COL18A1: variants seen among roughly 807,000 people sequenced by gnomAD.
The protein encoded by COL18A1 is collagen type XVIII alpha 1 chain, also known as collagen alpha-1(XVIII) chain.
A neutral mutation model predicts 168.0 loss-of-function variants in COL18A1; 133 were observed. That is an observed-to-expected ratio of 0.79 (90% CI 0.69 to 0.91). COL18A1 has a LOEUF of 0.91. Among genes scored for constraint, COL18A1 ranks in the 40% least tolerant of loss-of-function variants. The probability of loss-of-function intolerance (pLI) is 0.00; values close to 1 mark genes in which losing one functional copy is unlikely to be tolerated. For synonymous variants in COL18A1, 949 were observed against 809.0 expected (o/e 1.17, Z -2.94); for missense variants, 2,126 against 1,925.4 (o/e 1.10, Z -1.95).
intron 15 of COL18A1, among the ~76,000 whole-genome samples, chr21:45,485,074 C>T (rs1486432124): frequency 2.6e-5 from 4 of 151,378 alleles, no homozygotes; most frequent in African/African-American, 9.7e-5. Flanking sequence ...TCTCTGCCTC[C>T]CGGTTTCAAG....
chr21:45,433,441 T>C (rs1403379981), intron 2 of COL18A1, among the ~76,000 whole-genome samples: 1 of 152,124 alleles, frequency 6.6e-6, no homozygotes, highest in African/African-American at 2.4e-5. Flanking sequence ...AGTAGTTCTG[T>C]CTGGAAGGTG....
At chr21:45,491,167 T>G in intron 21 of COL18A1, 58 bp from the exon 22 acceptor site, 1 of 1,453,260 alleles carries the variant, frequency 6.9e-7, no homozygotes, top group Non-Finnish European at 9.7e-7. Flanking sequence ...GGGTGGACTC[T>G]GGGGTCCTGG....
intron 30 of COL18A1, among the ~76,000 whole-genome samples, chr21:45,496,785 C>T (rs9983797): frequency 6.6e-6 from 1 of 152,162 alleles, no homozygotes; most frequent in Non-Finnish European, 1.5e-5. Flanking sequence ...TTCCAGCTGG[C>T]TCTGCTAAGG....
intron 30 of COL18A1, 117 bp downstream of exon 30, chr21:45,496,685 G>A (rs1389866867): frequency 4.0e-5 from 30 of 746,478 alleles, no homozygotes. Flanking sequence ...CTTCTAGGAT[G>A]TGCCAGTCTG....
Position 45,510,214 on chromosome 21 carries a change from A to G in COL18A1, c.3646A>G (p.Ile1216Val), listed in dbSNP as rs369304666. 3.7e-6 allele frequency: 6 copies of G among 1,605,934 alleles called. No individual in the cohort carries two copies. The highest frequency in any genetic ancestry group is 2.7e-5 in the African/African-American group (2 of 74,816). ...LSSRLQDLYS[I>V]VRRADRAAVP... Reference sequence around the variant, plus strand: ...CTCGCGCCTGCAGGACCTGTACAGCATCGTGCGCCGTGCCGACCGCGCAGC... The same window carrying G: ...CTCGCGCCTGCAGGACCTGTACAGCGTCGTGCGCCGTGCCGACCGCGCAGC... The change falls in exon 40 of 42, where the codon ATC (isoleucine) becomes GTC (valine). Residue 1216 changes from isoleucine (I) to valine (V), a missense_variant. Coordinates refer to ENST00000651438, the MANE Select transcript of COL18A1 (RefSeq NM_001379500.1).
intron 2 of COL18A1, among the ~76,000 whole-genome samples, chr21:45,442,538 C>G (rs1302444133): frequency 6.6e-6 from 1 of 152,260 alleles, no homozygotes; most frequent in Admixed American, 6.5e-5. Context: ...GTAGCAGGGC[C>G]GGACCCCTTC....
At chr21:45,461,139 A>G (rs1179987160) in intron 2 of COL18A1, among the ~76,000 whole-genome samples, 1 of 152,192 alleles carries the variant, frequency 6.6e-6, no homozygotes, top group Non-Finnish European at 1.5e-5. Flanking sequence ...CACCATGTGT[A>G]CATTAGACCT....
At chr21:45,412,393 C>G (rs535547990) in intron 2 of COL18A1, among the ~76,000 whole-genome samples, 22 of 151,726 alleles carry the variant, frequency 1.4e-4, no homozygotes, top group African/African-American at 5.3e-4. Flanking sequence ...TGGGCCACCA[C>G]GCCTGGCTAA....
At position 45,495,402 on chromosome 21, in the gene COL18A1, G is replaced by A. The variant is rs369390092; in HGVS notation, c.2478G>A (p.Pro826=). 243 of 1,611,526 alleles carry A rather than the reference G, an allele frequency of 1.5e-4. No individual in the cohort carries two copies. The African/African-American group carries it at 1.8e-3, about 12-fold the overall frequency. The part of the protein sequence containing the change: ...MNGLKGEKGE[P]GDASLGFGMR... ...GATTGAAAGGAGAGAAAGGGGAGCCGGGAGATGCCAGCCTTGGATTTGGCA... is the reference window on the plus strand; with the variant it reads ...GATTGAAAGGAGAGAAAGGGGAGCCAGGAGATGCCAGCCTTGGATTTGGCA... The change falls in exon 29 of 42, where the codon CCG becomes CCA. Residue 826 remains proline (P), a synonymous_variant. Coordinates refer to ENST00000651438, the MANE Select transcript of COL18A1 (RefSeq NM_001379500.1).
rs59293699 is a variant in COL18A1 at position 45,467,487 on chromosome 21, A to G, written c.107-755A>G. 6.6e-3 allele frequency: 6,273 copies of G among 952,162 alleles called. 330 individuals are homozygous for G. In the African/African-American group the frequency reaches 0.1, roughly 16 times the overall value. 59.0% of individuals were successfully genotyped at this position (952,162 alleles called of 1,614,324 possible). A position where few individuals can be genotyped will look rare whatever the true frequency, so the allele number is the denominator to read the frequency against. On this transcript the variant is annotated intron_variant, in intron 2 of 41. Transcript: ENST00000651438. ...CCCGAGGGGAATCAGCATGGGGGGG[A>G]TGGGGAGATACAGCTTGTCCTTGCC...
intron 2 of COL18A1, among the ~76,000 whole-genome samples, chr21:45,428,822 T>C (rs1218054573): frequency 3.9e-5 from 6 of 152,174 alleles, no homozygotes. Flanking sequence ...TAGTCCACCA[T>C]AGATTCTCTA....
chr21:45,424,178 C>G (rs1015341674), intron 2 of COL18A1: 3 of 152,326 alleles, frequency 2.0e-5, no homozygotes, highest in African/African-American at 7.2e-5. Context: ...GGTCCGCCAT[C>G]CACAGTGACA....
intron 2 of COL18A1, among the ~76,000 whole-genome samples, chr21:45,437,345 G>C (rs1288738433): frequency 1.9e-5 from 1 of 52,510 alleles, no homozygotes; most frequent in Admixed American, 2.2e-4. Context: ...CAGACACACA[G>C]GCACTCTCCT....
At chr21:45,434,509 G>A (rs1158319700) in intron 2 of COL18A1, among the ~76,000 whole-genome samples, 1 of 152,238 alleles carries the variant, frequency 6.6e-6, no homozygotes, top group African/African-American at 2.4e-5. Flanking sequence ...CTCCCTGCCT[G>A]AGTCGGGGTG....
chr21:45,406,381 C>T (rs751775991), intron 2 of COL18A1, among the ~76,000 whole-genome samples: 9 of 152,244 alleles, frequency 5.9e-5, no homozygotes, highest in Non-Finnish European at 1.0e-4. Context: ...GGGATGTCGT[C>T]TGGATTCCTG....
chr21:45,506,516 A>G (rs549946932), intron 37 of COL18A1: 24 of 198,584 alleles, frequency 1.2e-4, no homozygotes, highest in African/African-American at 5.1e-4. Flanking sequence ...TGCTTTCCCA[A>G]AATGGTCTGG....
chr21:45,455,281 G>A (rs185132451), intron 2 of COL18A1, among the ~76,000 whole-genome samples: 1 of 152,258 alleles, frequency 6.6e-6, no homozygotes, highest in African/African-American at 2.4e-5. Flanking sequence ...CTGTCCTCAC[G>A]GAGCCTGGGG....
At chr21:45,496,142 C>T (rs1007475039) in intron 29 of COL18A1, 28 of 425,532 alleles carry the variant, frequency 6.6e-5, no homozygotes, top group East Asian at 1.6e-4. Flanking sequence ...GGGGTTCTCC[C>T]GCTCAGCCCA....
Position 45,463,198 on chromosome 21 carries a change from A to G in COL18A1, c.107-5044A>G, listed in dbSNP as rs2035098972. Among the ~76,000 whole-genome samples, 2 of 152,126 alleles carry G rather than the reference A, an allele frequency of 1.3e-5. No homozygotes were observed. Among genetic ancestry groups the G allele is most frequent in the African/African-American group, 2.4e-5 (1 of 41,488 alleles). ...AGAGGGAGTGTAAAACAATGGCCCCACCTCCCTGTCTGCACATCTGTGATC... is the reference window on the plus strand; with the variant it reads ...AGAGGGAGTGTAAAACAATGGCCCCGCCTCCCTGTCTGCACATCTGTGATC... On this transcript the variant is annotated intron_variant, in intron 2 of 41. Coordinates refer to ENST00000651438, the MANE Select transcript of COL18A1 (RefSeq NM_001379500.1). The surrounding 1 kb of genome is among the most constrained non-coding windows in gnomAD (Gnocchi z 4.0).
Sources: gnomAD v4.1 joint callset for allele counts (sites outside exome capture counted in the v4.1 genomes callset) on GRCh38, gnomAD v4.1.1 for gene constraint, Gnocchi (gnomAD v3.1) non-coding constraint, MANE v1.5 for transcripts, NCBI Gene and HGNC (gene_info 2026-07-23, HGNC 2026-07-21) for gene names.